PGAP1: variants seen among roughly 807,000 people sequenced by gnomAD.
PGAP1 encodes GPI inositol-deacylase.
Under a neutral mutation model 127.0 loss-of-function variants are expected in PGAP1, and 76 were observed. The ratio of observed to expected loss-of-function variants is 0.60; its 90% CI spans 0.50 to 0.72. The LOEUF (loss-of-function observed/expected upper bound fraction) is 0.72, where lower values mean the gene tolerates loss of function less well. Among genes scored for constraint, PGAP1 ranks in the 30% least tolerant of loss-of-function variants. The pLI, the probability that PGAP1 is intolerant of heterozygous loss-of-function variation, is 0.00. For synonymous variants in PGAP1, 362 were observed against 366.5 expected (o/e 0.99, Z 0.14); for missense variants, 982 against 1,071.3 (o/e 0.92, Z 1.16).
chr2:196,919,521 C>T (rs945374240), intron 2 of PGAP1, among the ~76,000 whole-genome samples: 4 of 152,158 alleles, frequency 2.6e-5, no homozygotes, highest in African/African-American at 4.8e-5. Context: ...AATCTGTACA[C>T]GTAACTTCCC....
At chr2:196,868,688 G>GT (rs1176270359) in intron 19 of PGAP1, among the ~76,000 whole-genome samples, 2 of 151,994 alleles carry the variant, frequency 1.3e-5, no homozygotes, top group African/African-American at 4.8e-5. Flanking sequence ...CCTCTTTTTC[G>GT]TAAGAGCAGA....
chr2:196,868,321 A>G (rs1701305841), intron 19 of PGAP1, among the ~76,000 whole-genome samples: 1 of 152,150 alleles, frequency 6.6e-6, no homozygotes, highest in Non-Finnish European at 1.5e-5. Flanking sequence ...CACACAGAGC[A>G]TTCTGAATAT....
rs1701473749 is a variant in PGAP1, at chr2:196,873,685, C to T, written c.1500G>A (p.Gln500=). 1.9e-6 allele frequency: 3 copies of T among 1,608,250 alleles called. No individual in the cohort carries two copies. Among genetic ancestry groups the T allele is most frequent in the Non-Finnish European group, 2.6e-6 (3 of 1,175,216 alleles). ...TTTTCTTGTAGTCAGGATTAATTAC[C>T]TGTCCAAAGTTCAGAAGCTCTAGAT... ...YYNLELLNFG[Q]IYQAFKINVV... The change falls in exon 15 of 27, where the codon CAG becomes CAA. Residue 500 remains glutamine, a splice_region_variant and synonymous_variant. Coordinates refer to ENST00000354764, the MANE Select transcript of PGAP1 (RefSeq NM_024989.4).
intron 20 of PGAP1, among the ~76,000 whole-genome samples, chr2:196,857,135 A>T (rs1253732631): frequency 2.6e-5 from 4 of 152,210 alleles, no homozygotes; most frequent in Non-Finnish European, 5.9e-5. Flanking sequence ...ATGACTCTAT[A>T]CCTAGAAAAC....
chr2:196,922,462 A>AT, intron 1 of PGAP1: 6 of 979,760 alleles, frequency 6.1e-6, no homozygotes, highest in Non-Finnish European at 7.3e-6. Flanking sequence ...TAGGGGCTCC[A>AT]TTAAAAAAAA....
intron 5 of PGAP1, among the ~76,000 whole-genome samples, chr2:196,899,883 A>C (rs1336722550): frequency 6.6e-6 from 1 of 152,138 alleles, no homozygotes; most frequent in Non-Finnish European, 1.5e-5. Context: ...AAAAAATTTC[A>C]AAAAATTAGC....
chr2:196,877,204 G>A (rs1236345731), intron 13 of PGAP1, among the ~76,000 whole-genome samples: 1 of 151,974 alleles, frequency 6.6e-6, no homozygotes, highest in African/African-American at 2.4e-5. Context: ...AATTTCTAAT[G>A]GGTTTAATTA....
At chr2:196,921,532 T>C (rs1309784065) in intron 1 of PGAP1, among the ~76,000 whole-genome samples, 1 of 152,106 alleles carries the variant, frequency 6.6e-6, no homozygotes, top group Non-Finnish European at 1.5e-5. Context: ...AAAGAAATAG[T>C]TTCCTATTTC....
At chr2:196,897,236 A>C in intron 6 of PGAP1, 39 bp from the exon 7 acceptor site, 1 of 1,264,586 alleles carries the variant, frequency 7.9e-7, no homozygotes, top group South Asian at 1.4e-5. Flanking sequence ...AAACTTTCTT[A>C]AAACATATAC....
At chr2:196,905,710 G>A (rs1559366808) in intron 4 of PGAP1, among the ~76,000 whole-genome samples, 1 of 150,194 alleles carries the variant, frequency 6.7e-6, no homozygotes, top group Non-Finnish European at 1.5e-5. Context: ...TCACTAGGGA[G>A]TGCCAGACAG....
In PGAP1 at chr2:196,856,699, C is replaced by A. The variant is rs191577103; in HGVS notation, c.1861+8288G>T. ...AGGATGAGAAGTTGACACTTCCACT[C>A]TTCAGATAGCTTTTCCCAAGATGTC... On this transcript the variant is annotated intron_variant, in intron 20 of 26. Transcript: ENST00000354764. Among the ~76,000 whole-genome samples the A allele has an allele frequency of 1.5e-3, 227 of 152,298 alleles. 1 individual carries two copies. Among genetic ancestry groups the A allele is most frequent in the African/African-American group, 5.2e-3 (218 of 41,556 alleles).
chr2:196,893,347 CTG>C, intron 7 of PGAP1, 102 bp from the exon 8 acceptor site: 1 of 605,124 alleles, frequency 1.7e-6, no homozygotes, highest in Non-Finnish European at 2.9e-6. Flanking sequence ...ATTTATTACT[CTG>C]AGCCAGGCAC....
At chr2:196,887,338 C>G (rs192290509) in intron 10 of PGAP1, among the ~76,000 whole-genome samples, 76 of 152,120 alleles carry the variant, frequency 5.0e-4, no homozygotes, top group African/African-American at 1.7e-3. Flanking sequence ...GAGCCGAGAT[C>G]GCGCCACTGC....
rs1272480252 is a variant in PGAP1, at chr2:196,870,019, T to C, written c.1767+922A>G. Among the ~76,000 whole-genome samples, 11 of 152,334 alleles carry C rather than the reference T, an allele frequency of 7.2e-5. No homozygotes were observed. In the East Asian group the frequency reaches 1.3e-3, roughly 19 times the overall value. On this transcript the variant is annotated intron_variant, in intron 19 of 26. Coordinates refer to ENST00000354764, the MANE Select transcript of PGAP1 (RefSeq NM_024989.4). ...ATAACTTCCCTAACTAATCAATTGTTATCTTATTTATGTCCAGGTTGCACA... is the reference window on the plus strand; with the variant it reads ...ATAACTTCCCTAACTAATCAATTGTCATCTTATTTATGTCCAGGTTGCACA...
At chr2:196,923,713 T>A (rs1224003964) in intron 1 of PGAP1, among the ~76,000 whole-genome samples, 16 of 151,220 alleles carry the variant, frequency 1.1e-4, no homozygotes, top group African/African-American at 2.4e-5. Context: ...CCGCCTGGAG[T>A]GAAATGGCAC....
chr2:196,912,717 T>A (rs1219701572), intron 4 of PGAP1, among the ~76,000 whole-genome samples, 165 bp downstream of exon 4: 1 of 150,582 alleles, frequency 6.6e-6, no homozygotes, highest in African/African-American at 2.4e-5. Context: ...CTAAGTTCAA[T>A]AATATAAAGA....
In PGAP1 at chr2:196,897,182, C is replaced by A. The variant is rs1702308428; in HGVS notation, c.876G>T (p.Gln292His). 1 of 1,580,958 alleles carries A rather than the reference C, an allele frequency of 6.3e-7. No individual in the cohort carries two copies. The highest frequency in any genetic ancestry group is 1.2e-5 in the South Asian group (1 of 85,540). The change falls in exon 7 of 27, where the codon CAG (glutamine) becomes CAT (histidine). Residue 292 changes from glutamine to histidine, a missense_variant. Physicochemically the swap from Gln to His is conservative, Grantham distance 24. Transcript: ENST00000354764. The stretch of plus-strand genomic sequence containing the variant: ...CAAAGAATGCTCGAACTGTAGTCAA[C>A]TGCAATTGTTTACACCTAAGGAATA... The part of the protein sequence containing the change: ...HLSIVWCKQL[Q>H]LTTVRAFFDL...
intron 24 of PGAP1, 58 bp downstream of exon 24, chr2:196,844,466 A>G: frequency 8.0e-7 from 1 of 1,252,840 alleles, no homozygotes; most frequent in South Asian, 1.4e-5. Context: ...AAAAACTCTT[A>G]TATTTCCCCA....
intron 20 of PGAP1, among the ~76,000 whole-genome samples, chr2:196,863,556 G>A (rs1286353970): frequency 1.3e-5 from 2 of 152,150 alleles, no homozygotes; most frequent in Admixed American, 1.3e-4. Context: ...GGTTACCAGA[G>A]GGTGGGAAAG....
Sources: allele counts gnomAD v4.1 joint callset (sites outside exome capture counted in the v4.1 genomes callset), GRCh38; gene constraint gnomAD v4.1.1; transcripts MANE v1.5; gene names NCBI Gene and HGNC (gene_info 2026-07-23, HGNC 2026-07-21).